DPP6: variants seen among roughly 807,000 people sequenced by gnomAD.
DPP6 encodes A-type potassium channel modulatory protein DPP6.
A neutral mutation model predicts 122.6 loss-of-function variants in DPP6; 69 were observed. The observed-to-expected ratio is 0.56, with a 90% CI of 0.46 to 0.69. The LOEUF (loss-of-function observed/expected upper bound fraction) is 0.69, where lower values mean the gene tolerates loss of function less well. DPP6 is among the 30% of genes least tolerant of loss of function. The pLI is 0.00. For missense variants in DPP6, 928 were observed against 1,116.9 expected, an observed-to-expected ratio of 0.83 and a Z score of 2.41; for synonymous variants, 418 against 433.1, an observed-to-expected ratio of 0.97 and a Z score of 0.43.
intron 17 of DPP6, among the ~76,000 whole-genome samples, chr7:154,854,839 C>CGG (rs1192814621): frequency 6.6e-6 from 1 of 152,182 alleles, no homozygotes; most frequent in Non-Finnish European, 1.5e-5. Context: ...AACTCGCCCT[C>CGG]GGTCCCTCCC....
At chr7:154,090,563 T>A (rs907360253) in intron 1 of DPP6, among the ~76,000 whole-genome samples, 2 of 152,144 alleles carry the variant, frequency 1.3e-5, no homozygotes, top group South Asian at 2.1e-4. Flanking sequence ...AAAAGTATAT[T>A]TTTTTGGGAA....
chr7:154,066,472 A>G (rs1585302395), intron 1 of DPP6, among the ~76,000 whole-genome samples: 1 of 152,326 alleles, frequency 6.6e-6, no homozygotes, highest in South Asian at 2.1e-4. Flanking sequence ...GCTCTATGCC[A>G]CGAAGAACAC....
rs951626685 is a variant in DPP6, at chr7:154,401,583, T to C, written c.244-44631T>C. On this transcript the variant is annotated intron_variant, in intron 1 of 25. Coordinates refer to ENST00000377770, the MANE Select transcript of DPP6 (RefSeq NM_130797.4). ...CTGGGATCCCCTTCCTTACACCTTA[T>C]ACAAAAATCAATTCAAGATGGATTA... is the stretch of plus-strand genomic sequence containing the variant. 2.6e-5 allele frequency among the ~76,000 whole-genome samples: 4 copies of C among 152,240 alleles called. No homozygotes were observed. The East Asian group carries it at 5.8e-4, about 22-fold the overall frequency.
chr7:154,358,454 T>C (rs779723574), intron 1 of DPP6, among the ~76,000 whole-genome samples: 5 of 152,312 alleles, frequency 3.3e-5, no homozygotes, highest in South Asian at 2.1e-4. Flanking sequence ...AAAGGTGTCA[T>C]GTGCGCCGTA....
chr7:153,849,950 A>C, the DPP6 span, among the ~76,000 whole-genome samples: 489 of 152,298 alleles, frequency 3.2e-3, 19 homozygotes, highest in Admixed American at 0.032. Context: ...TTAATAGATA[A>C]ATTTGGACCC....
chr7:153,920,288 G>A (rs1800568681), intron 1 of DPP6, among the ~76,000 whole-genome samples: 1 of 152,160 alleles, frequency 6.6e-6, no homozygotes, highest in South Asian at 2.1e-4. Flanking sequence ...GTTCTTTCCT[G>A]TGTCCGGGTC....
intron 1 of DPP6, among the ~76,000 whole-genome samples, chr7:154,179,714 T>G (rs1407107399): frequency 1.3e-5 from 2 of 152,220 alleles, no homozygotes; most frequent in Non-Finnish European, 2.9e-5. Context: ...TTTGTGTCAC[T>G]TTCATCTTTG....
intron 2 of DPP6, among the ~76,000 whole-genome samples, chr7:154,470,793 C>G (rs530499160): frequency 6.6e-6 from 1 of 152,106 alleles, no homozygotes; most frequent in Non-Finnish European, 1.5e-5. Flanking sequence ...TTCAGTGATC[C>G]CTGAATTGCC....
chr7:153,874,151 C>T, the DPP6 span, among the ~76,000 whole-genome samples: 1 of 152,080 alleles, frequency 6.6e-6, no homozygotes, highest in Non-Finnish European at 1.5e-5. Context: ...TATCTGCACA[C>T]CTAGTATTGG....
chr7:153,759,063 G>A, the DPP6 span, among the ~76,000 whole-genome samples: 6 of 151,502 alleles, frequency 4.0e-5, no homozygotes, highest in South Asian at 2.1e-4. Flanking sequence ...TTCAATATGA[G>A]CCATTTAAAT....
At chr7:154,313,512 G>A (rs1563459563) in intron 1 of DPP6, among the ~76,000 whole-genome samples, 1 of 151,496 alleles carries the variant, frequency 6.6e-6, no homozygotes, top group Admixed American at 6.6e-5. Context: ...AAAACCAGAG[G>A]AGTGACTTGG....
chr7:153,756,369 G>A, the DPP6 span, among the ~76,000 whole-genome samples: 2,841 of 151,332 alleles, frequency 0.019, 34 homozygotes, highest in African/African-American at 0.036. Context: ...CCAACAAAAC[G>A]CAGTTAATGA....
intron 1 of DPP6, among the ~76,000 whole-genome samples, chr7:154,247,980 A>G (rs990842127): frequency 1.3e-5 from 2 of 152,122 alleles, no homozygotes; most frequent in African/African-American, 4.8e-5. Flanking sequence ...AAAGAAATGT[A>G]TTTCTCACCA....
At chr7:154,886,102 C>A (rs1806126742) in intron 22 of DPP6, among the ~76,000 whole-genome samples, 1 of 152,206 alleles carries the variant, frequency 6.6e-6, no homozygotes, top group Admixed American at 6.5e-5. Context: ...CTTCTCTGCT[C>A]CCAGAAGAAT....
chr7:154,095,220 C>CA (rs1805238137), intron 1 of DPP6: 1 of 149,510 alleles, frequency 6.7e-6, no homozygotes, highest in South Asian at 2.2e-4. Context: ...GCTTAAATCA[C>CA]ACGTCCAAGA....
At chr7:154,345,359 G>C (rs1283612075) in intron 1 of DPP6, among the ~76,000 whole-genome samples, 1 of 152,156 alleles carries the variant, frequency 6.6e-6, no homozygotes, top group Non-Finnish European at 1.5e-5. Flanking sequence ...AATTGAGGGG[G>C]CACACATTCA....
chr7:154,669,231 C>A, intron 6 of DPP6, 129 bp from the exon 7 acceptor site: 2 of 1,373,842 alleles, frequency 1.5e-6, no homozygotes, highest in Non-Finnish European at 2.0e-6. Context: ...ACACAAGAGA[C>A]AAGCTCTTGA....
At chr7:154,778,041 C>T (rs912950258) in intron 10 of DPP6, among the ~76,000 whole-genome samples, 19 of 152,176 alleles carry the variant, frequency 1.2e-4, no homozygotes, top group Non-Finnish European at 2.9e-5. Context: ...GTCCCTACTC[C>T]CATGCCCTCG....
At chr7:154,029,396 A>G (rs532020349) in intron 1 of DPP6, among the ~76,000 whole-genome samples, 2 of 151,952 alleles carry the variant, frequency 1.3e-5, no homozygotes, top group African/African-American at 4.8e-5. Flanking sequence ...GGGCGCCTGT[A>G]GTCCCAGCTA....
Sources: allele counts gnomAD v4.1 joint callset (sites outside exome capture counted in the v4.1 genomes callset), GRCh38; gene constraint gnomAD v4.1.1; transcripts MANE v1.5; gene names NCBI Gene and HGNC (gene_info 2026-07-23, HGNC 2026-07-21).